CDH12: variants seen among roughly 807,000 people sequenced by gnomAD.
CDH12 encodes the protein cadherin 12, also known as cadherin-12.
In CDH12, 41 loss-of-function variants were observed where a neutral mutation model predicts 74.1. The ratio of observed to expected loss-of-function variants is 0.55; its 90% CI spans 0.43 to 0.72. The LOEUF (loss-of-function observed/expected upper bound fraction) is 0.72, where lower values mean the gene tolerates loss of function less well. Ranked by LOEUF, CDH12 falls within the 30% of genes least tolerant of loss-of-function variation. The pLI is 0.00. For synonymous variants in CDH12, 399 were observed against 355.0 expected (o/e 1.12, Z -1.39); for missense variants, 945 against 977.2 (o/e 0.97, Z 0.44).
intron 3 of CDH12, among the ~76,000 whole-genome samples, chr5:22,380,432 T>A (rs1446762416): frequency 1.3e-5 from 2 of 152,168 alleles, no homozygotes; most frequent in Non-Finnish European, 2.9e-5. Flanking sequence ...ATGCCTTTTT[T>A]AACATATGTG....
Position 21,880,609 on chromosome 5 carries a change from T to TC in CDH12, c.527-25820_527-25819insG, listed in dbSNP as rs1752246958. The stretch of plus-strand genomic sequence containing the variant: ...CTTCCTTCCTTCCTTCCTTCCTTCC[T>TC]TCCTTCCTTCTTTCTTTCTTTCTTT... On this transcript the variant is annotated intron_variant, in intron 6 of 14. Transcript: ENST00000382254. 4.8e-5 allele frequency among the ~76,000 whole-genome samples: 4 copies of TC among 83,734 alleles called. 1 individual carries two copies. The highest frequency in any genetic ancestry group is 1.9e-4 in the African/African-American group (4 of 21,540). The allele number at this position is 83,734 out of a possible 152,430, so 54.9% of individuals were successfully genotyped here.
In CDH12 at chr5:22,311,728, C is replaced by T. The variant is rs150979674; in HGVS notation, c.-333+93529G>A. On this transcript the variant is annotated intron_variant, in intron 3 of 14. Transcript: ENST00000382254. ...AAAAAAAAAAAAAAAAAAAAAATTG[C>T]CTCTGGGCATGGGTACATGGTTGTG... Among the ~76,000 whole-genome samples, 48 of 148,828 alleles carry T rather than the reference C, an allele frequency of 3.2e-4. No individual in the cohort carries two copies. The East Asian group carries it at 8.5e-3, about 26-fold the overall frequency.
At chr5:22,171,976 G>A (rs1327259405) in intron 4 of CDH12, among the ~76,000 whole-genome samples, 1 of 151,870 alleles carries the variant, frequency 6.6e-6, no homozygotes, top group Non-Finnish European at 1.5e-5. Context: ...TGAGTTCCTT[G>A]TCTATGTACA....
chr5:22,392,055 A>G (rs1212415560), intron 3 of CDH12, among the ~76,000 whole-genome samples: 1 of 152,140 alleles, frequency 6.6e-6, no homozygotes, highest in African/African-American at 2.4e-5. Context: ...TCCTGTTTTC[A>G]TATAGAGGGA....
intron 6 of CDH12, among the ~76,000 whole-genome samples, chr5:21,932,636 C>T (rs1412840787): frequency 6.6e-6 from 1 of 151,928 alleles, no homozygotes; most frequent in Non-Finnish European, 1.5e-5. Flanking sequence ...TGCGCTGGCG[C>T]ACGCCTGTAA....
At chr5:22,447,764 A>G (rs1311792718) in intron 2 of CDH12, among the ~76,000 whole-genome samples, 2 of 152,076 alleles carry the variant, frequency 1.3e-5, no homozygotes, top group East Asian at 3.9e-4. Flanking sequence ...AAAGTAAAAC[A>G]AAATAAAGCA....
intron 2 of CDH12, among the ~76,000 whole-genome samples, chr5:22,478,941 G>T (rs1746280242): frequency 6.6e-6 from 1 of 152,156 alleles, no homozygotes; most frequent in South Asian, 2.1e-4. Context: ...CAAAGAGAAT[G>T]ATGCTCTAAG....
chr5:22,842,119 A>G (rs1472359344), intron 1 of CDH12, among the ~76,000 whole-genome samples: 2 of 152,194 alleles, frequency 1.3e-5, no homozygotes, highest in East Asian at 3.8e-4. Flanking sequence ...TCATAATAGC[A>G]TCCATGGAAC....
intron 5 of CDH12, among the ~76,000 whole-genome samples, chr5:22,074,511 T>G (rs939150353): frequency 4.6e-5 from 7 of 152,050 alleles, no homozygotes. Flanking sequence ...GAAATTACCA[T>G]CAGAGTGAAC....
At position 22,107,767 on chromosome 5, in the gene CDH12, A is replaced by G. The variant is rs1193859785; in HGVS notation, c.-186-28905T>C. 3.9e-5 allele frequency among the ~76,000 whole-genome samples: 6 copies of G among 152,158 alleles called. No individual in the cohort carries two copies. In the East Asian group the frequency reaches 1.2e-3, roughly 29 times the overall value. On this transcript the variant is annotated intron_variant, in intron 4 of 14. Transcript: ENST00000382254. ...TATTAGACAACGTGAATACACTATAATCTACTTTTCCTATGGGTCCATGAG... is the reference window on the plus strand; with the variant it reads ...TATTAGACAACGTGAATACACTATAGTCTACTTTTCCTATGGGTCCATGAG...
At chr5:22,655,999 A>G (rs1055697080) in intron 1 of CDH12, among the ~76,000 whole-genome samples, 1 of 152,146 alleles carries the variant, frequency 6.6e-6, no homozygotes, top group African/African-American at 2.4e-5. Flanking sequence ...ACAAATGCCG[A>G]TTTGGGACTA....
At chr5:22,631,709 A>C (rs143000217) in intron 1 of CDH12, among the ~76,000 whole-genome samples, 1 of 152,176 alleles carries the variant, frequency 6.6e-6, no homozygotes, top group Non-Finnish European at 1.5e-5. Context: ...TATAGGAAGC[A>C]TGATTCTGGC....
At chr5:22,160,656 G>A (rs1229322344) in intron 4 of CDH12, among the ~76,000 whole-genome samples, 1 of 152,208 alleles carries the variant, frequency 6.6e-6, no homozygotes, top group Non-Finnish European at 1.5e-5. Flanking sequence ...GGCTGATTTA[G>A]TGTCTGGTGA....
chr5:21,770,136 A>T (rs528838911), intron 11 of CDH12, among the ~76,000 whole-genome samples: 4 of 152,308 alleles, frequency 2.6e-5, no homozygotes, highest in Admixed American at 2.6e-4. Context: ...CCCACTTTAC[A>T]TTCAAAGGAC....
chr5:22,204,318 G>A (rs1302094620), intron 4 of CDH12, among the ~76,000 whole-genome samples: 1 of 152,034 alleles, frequency 6.6e-6, no homozygotes, highest in African/African-American at 2.4e-5. Context: ...CCGTCACCAC[G>A]CCCGGTTAGT....
At chr5:22,559,586 T>G (rs1738952572) in intron 1 of CDH12, among the ~76,000 whole-genome samples, 1 of 152,056 alleles carries the variant, frequency 6.6e-6, no homozygotes, top group Admixed American at 6.6e-5. Context: ...GGAGAAGAGT[T>G]TGATGATGTT....
At chr5:22,807,585 T>G (rs1748881746) in intron 1 of CDH12, among the ~76,000 whole-genome samples, 1 of 152,226 alleles carries the variant, frequency 6.6e-6, no homozygotes, top group Non-Finnish European at 1.5e-5. Context: ...AATTTACTTA[T>G]GTGAACTTAG....
intron 1 of CDH12, among the ~76,000 whole-genome samples, chr5:22,513,944 G>A (rs1300543797): frequency 7.6e-6 from 1 of 131,578 alleles, no homozygotes; most frequent in Non-Finnish European, 1.6e-5. Context: ...GTGAGACTCC[G>A]TGTCAGGAAA....
chr5:22,817,349 A>T (rs1015352569), intron 1 of CDH12, among the ~76,000 whole-genome samples: 1 of 152,090 alleles, frequency 6.6e-6, no homozygotes, highest in Non-Finnish European at 1.5e-5. Flanking sequence ...GAAAGATCAT[A>T]TATTTTCTTC....
Sources: gnomAD v4.1 joint callset for allele counts (sites outside exome capture counted in the v4.1 genomes callset) on GRCh38, gnomAD v4.1.1 for gene constraint, MANE v1.5 for transcripts, NCBI Gene and HGNC (gene_info 2026-07-23, HGNC 2026-07-21) for gene names.